Variants in CCNY observed in about 807,000 individuals in gnomAD.
The protein encoded by CCNY is cyclin Y.
CCNY carries 19 observed loss-of-function variants against 42.8 expected under a neutral mutation model. The observed-to-expected ratio is 0.44, with a 90% confidence interval of 0.31 to 0.65. The LOEUF (loss-of-function observed/expected upper bound fraction) is 0.65. Among genes scored for constraint, CCNY ranks in the 30% least tolerant of loss-of-function variants. The pLI is 0.07. For missense variants in CCNY, 370 were observed against 437.3 expected (o/e 0.85, Z 1.37); for synonymous variants, 165 against 162.7 (o/e 1.01, Z -0.11).
chr10:35,556,418 C>A (rs747515536), intron 8 of CCNY, among the ~76,000 whole-genome samples: 1 of 152,134 alleles, frequency 6.6e-6, no homozygotes, highest in Non-Finnish European at 1.5e-5. Context: ...TGAGTCCTTG[C>A]GTGTTCAGAT....
Position 35,569,239 on chromosome 10 carries a change from G to A in CCNY, c.*69G>A, listed in dbSNP as rs1249226514. On this transcript the variant is annotated 3_prime_UTR_variant, in exon 10 of 10. Coordinates refer to ENST00000374704, the MANE Select transcript of CCNY (RefSeq NM_145012.6). ...TTTAGTTTGAGAAAAGACAGACTTG[G>A]GGTGGGTTTGTTTTTGTTTTTTCTT... 1.7e-5 allele frequency: 17 copies of A among 993,742 alleles called. No homozygotes were observed. The East Asian group carries it at 4.1e-4, about 24-fold the overall frequency. 61.6% of individuals were successfully genotyped at this position (993,742 alleles called of 1,614,324 possible).
Position 35,410,782 on chromosome 10 carries a change from A to G in CCNY, c.155-72622A>G, listed in dbSNP as rs147284567. On this transcript the variant is annotated intron_variant, in intron 1 of 9. Coordinates refer to ENST00000374704, the MANE Select transcript of CCNY (RefSeq NM_145012.6). ...GCTCTGCTTCTCAAACTGCATCTGC[A>G]TCAGTGTCATTGGAGGGCTGGGTTT... Among the ~76,000 whole-genome samples, 416 of 152,328 alleles carry G rather than the reference A, an allele frequency of 2.7e-3. 5 individuals carry two copies. Among genetic ancestry groups the G allele is most frequent in the African/African-American group, 9.5e-3 (394 of 41,574 alleles).
At chr10:35,311,547 T>C (rs1305277702) in intron 3 of CCNY, among the ~76,000 whole-genome samples, 4 of 151,536 alleles carry the variant, frequency 2.6e-5, no homozygotes, top group Non-Finnish European at 4.4e-5. Flanking sequence ...CATAGTGGCA[T>C]GTGCCTTTAG....
intron 3 of CCNY, among the ~76,000 whole-genome samples, chr10:35,311,091 T>C (rs1486384493): frequency 1.3e-5 from 2 of 152,078 alleles, no homozygotes; most frequent in Non-Finnish European, 2.9e-5. Flanking sequence ...GGCAGGAGGA[T>C]TGCTTGAGGC....
In CCNY at chr10:35,533,773, C is replaced by T. The variant is rs114670210; in HGVS notation, c.579+3530C>T. Among the ~76,000 whole-genome samples the T allele has an allele frequency of 4.2e-3, 635 of 152,266 alleles. 1 individual carries two copies. Among genetic ancestry groups the T allele is most frequent in the African/African-American group, 0.013 (547 of 41,554 alleles). ...TATTGTTTTGTCAGTAAGCCCCATG[C>T]GTAAGAAATGTCTGGTCTTTTTGTC... On this transcript the variant is annotated intron_variant, in intron 7 of 9. Coordinates refer to ENST00000374704, the MANE Select transcript of CCNY (RefSeq NM_145012.6).
At chr10:35,383,968 A>ATG (rs1564390984) in intron 1 of CCNY, among the ~76,000 whole-genome samples, 1 of 152,006 alleles carries the variant, frequency 6.6e-6, no homozygotes, top group Non-Finnish European at 1.5e-5. Flanking sequence ...ATATATATAT[A>ATG]TATTAAGTAA....
intron 3 of CCNY, among the ~76,000 whole-genome samples, chr10:35,325,286 C>T (rs1025794146): frequency 2.6e-5 from 4 of 152,086 alleles, no homozygotes; most frequent in African/African-American, 9.7e-5. Context: ...TCAAGCAATT[C>T]TTGTGCCTCA....
chr10:35,481,583 A>G (rs1028835015), intron 1 of CCNY, among the ~76,000 whole-genome samples: 1 of 152,226 alleles, frequency 6.6e-6, no homozygotes, highest in African/African-American at 2.4e-5. Context: ...TCGCTAGTCC[A>G]GATGCTGTCT....
intron 7 of CCNY, among the ~76,000 whole-genome samples, chr10:35,541,457 C>T (rs933082778): frequency 5.3e-5 from 8 of 152,200 alleles, no homozygotes; most frequent in Non-Finnish European, 7.3e-5. Context: ...AGTGCATTGG[C>T]ACCATTCATG....
chr10:35,277,755 T>C (rs1391936747), intron 3 of CCNY, among the ~76,000 whole-genome samples: 2 of 152,008 alleles, frequency 1.3e-5, no homozygotes, highest in East Asian at 3.9e-4. Context: ...GTCCTTCCTG[T>C]CACAGAGCTC....
intron 1 of CCNY, among the ~76,000 whole-genome samples, chr10:35,345,010 A>G (rs968439507): frequency 2.6e-5 from 4 of 152,246 alleles, no homozygotes; most frequent in Admixed American, 6.5e-5. Context: ...AGTCTTTGCT[A>G]TTGTGAATAG....
chr10:35,280,125 A>C (rs1835283058), intron 3 of CCNY, among the ~76,000 whole-genome samples: 1 of 152,192 alleles, frequency 6.6e-6, no homozygotes, highest in Admixed American at 6.5e-5. Flanking sequence ...GTAAAGAAAG[A>C]ATACCAGCTT....
At chr10:35,469,966 A>G (rs1839355416) in intron 1 of CCNY, among the ~76,000 whole-genome samples, 1 of 149,452 alleles carries the variant, frequency 6.7e-6, no homozygotes. Flanking sequence ...ATGGAGAGAC[A>G]GACAGGGAGA....
At chr10:35,465,934 A>T (rs200260964) in intron 1 of CCNY, among the ~76,000 whole-genome samples, 1,275 of 85,502 alleles carry the variant, frequency 0.015, 25 homozygotes, top group African/African-American at 0.051. Context: ...AGAGAGAGAG[A>T]GAGAGTGTGT....
chr10:35,510,315 A>G (rs1214668070), intron 3 of CCNY, among the ~76,000 whole-genome samples: 2 of 152,096 alleles, frequency 1.3e-5, no homozygotes, highest in African/African-American at 4.8e-5. Context: ...CCTGGGCCCA[A>G]CCGATCTTCC....
intron 7 of CCNY, among the ~76,000 whole-genome samples, chr10:35,548,517 C>T (rs1373377278): frequency 2.6e-5 from 4 of 151,998 alleles, no homozygotes; most frequent in East Asian, 1.9e-4. Flanking sequence ...AGGATGGTCT[C>T]GATCTCCTGA....
intron 4 of CCNY, among the ~76,000 whole-genome samples, chr10:35,523,460 C>T (rs1840590020): frequency 6.6e-6 from 1 of 152,188 alleles, no homozygotes; most frequent in African/African-American, 2.4e-5. Context: ...CAGTCACTTC[C>T]TTCAAGACGA....
At chr10:35,307,980 G>A (rs1467982014) in intron 3 of CCNY, among the ~76,000 whole-genome samples, 1 of 151,452 alleles carries the variant, frequency 6.6e-6, no homozygotes, top group African/African-American at 2.4e-5. Context: ...ATCACGTCCA[G>A]CTAATTTTTG....
intron 3 of CCNY, among the ~76,000 whole-genome samples, chr10:35,300,586 T>C (rs1835522166): frequency 6.6e-6 from 1 of 152,196 alleles, no homozygotes; most frequent in African/African-American, 2.4e-5. Context: ...TCTTTATTTT[T>C]GCATTCGCTT....
Sources: gnomAD v4.1 joint callset for allele counts (sites outside exome capture counted in the v4.1 genomes callset) on GRCh38, gnomAD v4.1.1 for gene constraint, MANE v1.5 for transcripts, NCBI Gene and HGNC (gene_info 2026-07-23, HGNC 2026-07-21) for gene names.